Variants in CYP2C19 observed in about 807,000 individuals in gnomAD.
CYP2C19 encodes the protein cytochrome P450 2C19.
Under a neutral mutation model 40.9 loss-of-function variants are expected in CYP2C19, and 59 were observed. The observed-to-expected ratio is 1.44, with a 90% CI of 1.17 to 1.79. The LOEUF is 1.79. Among genes scored for constraint, CYP2C19 ranks in the 40% most tolerant of loss-of-function variants. CYP2C19 has a pLI of 0.00. For synonymous variants in CYP2C19, 253 were observed against 208.7 expected, an observed-to-expected ratio of 1.21 and a Z score of -1.83; for missense variants, 754 against 596.9, an observed-to-expected ratio of 1.26 and a Z score of -2.74.
intron 5 of CYP2C19, among the ~76,000 whole-genome samples, chr10:94,804,421 C>A (rs1178317120): frequency 6.6e-6 from 1 of 152,198 alleles, no homozygotes; most frequent in Non-Finnish European, 1.5e-5. Flanking sequence ...ATCTGCGTGG[C>A]CATGATGCCA....
chr10:94,835,712 C>T (rs1240977419), intron 6 of CYP2C19, among the ~76,000 whole-genome samples: 1 of 152,114 alleles, frequency 6.6e-6, no homozygotes, highest in Non-Finnish European at 1.5e-5. Flanking sequence ...TTAGGAATTT[C>T]CTTTCCCTCC....
At chr10:94,781,735 GT>G in intron 4 of CYP2C19, 85 bp from the exon 5 acceptor site, 7 of 579,160 alleles carry the variant, frequency 1.2e-5, no homozygotes, top group Non-Finnish European at 1.8e-5. Context: ...TATATTTATA[GT>G]TTTAAATTAC....
At chr10:94,841,548 C>T (rs1310400750) in intron 6 of CYP2C19, among the ~76,000 whole-genome samples, 1 of 152,138 alleles carries the variant, frequency 6.6e-6, no homozygotes, top group Admixed American at 6.5e-5. Flanking sequence ...TTTTCATTTG[C>T]TCTTGCTTAT....
At chr10:94,822,364 C>T (rs1251379346) in intron 6 of CYP2C19, among the ~76,000 whole-genome samples, 1 of 152,094 alleles carries the variant, frequency 6.6e-6, no homozygotes, top group African/African-American at 2.4e-5. Context: ...TGAGTCCCTC[C>T]CATGACATGT....
intron 1 of CYP2C19, among the ~76,000 whole-genome samples, chr10:94,769,087 T>A (rs964340527): frequency 6.6e-6 from 1 of 152,198 alleles, no homozygotes; most frequent in African/African-American, 2.4e-5. Context: ...CATTCCTTGC[T>A]GAGGGCCCTG....
chr10:94,821,656 G>T (rs1011481282), intron 6 of CYP2C19, among the ~76,000 whole-genome samples: 3 of 152,010 alleles, frequency 2.0e-5, no homozygotes, highest in African/African-American at 4.8e-5. Flanking sequence ...AAAGACTTTC[G>T]GTTATGCTGC....
At chr10:94,801,743 G>T (rs1464343243) in intron 5 of CYP2C19, among the ~76,000 whole-genome samples, 1 of 152,108 alleles carries the variant, frequency 6.6e-6, no homozygotes, top group Non-Finnish European at 1.5e-5. Flanking sequence ...TTTTAGGTCT[G>T]TAAGAACTTG....
At chr10:94,774,823 G>A (rs1446431865) in intron 1 of CYP2C19, 4 of 531,298 alleles carry the variant, frequency 7.5e-6, no homozygotes, top group African/African-American at 1.9e-5. Flanking sequence ...ATGTTGGTGT[G>A]AGGGTTAATT....
chr10:94,813,909 TG>T (rs1306773518), intron 5 of CYP2C19, among the ~76,000 whole-genome samples: 8 of 151,022 alleles, frequency 5.3e-5, no homozygotes, highest in Admixed American at 2.0e-4. Context: ...AGGGCCCTGG[TG>T]GTGTAGGCTC....
At chr10:94,827,873 T>C (rs1234398997) in intron 6 of CYP2C19, among the ~76,000 whole-genome samples, 1 of 152,178 alleles carries the variant, frequency 6.6e-6, no homozygotes, top group East Asian at 1.9e-4. Context: ...GTCTTTGTTC[T>C]TGTTGGTTTC....
intron 3 of CYP2C19, 192 bp downstream of exon 3, chr10:94,775,731 G>T: frequency 8.4e-6 from 7 of 836,026 alleles, no homozygotes; most frequent in Non-Finnish European, 1.1e-5. Context: ...AGGCATGATT[G>T]TGCATACAGT....
At chr10:94,771,889 C>T (rs1848338493) in intron 1 of CYP2C19, among the ~76,000 whole-genome samples, 1 of 152,118 alleles carries the variant, frequency 6.6e-6, no homozygotes, top group South Asian at 2.1e-4. Context: ...AGAAGGAGGA[C>T]TGAGGAAGGT....
chr10:94,835,707 A>G (rs770247181), intron 6 of CYP2C19, among the ~76,000 whole-genome samples: 18 of 152,044 alleles, frequency 1.2e-4, no homozygotes, highest in South Asian at 2.1e-4. Context: ...GGAAGTTAGG[A>G]ATTTCCTTTC....
chr10:94,783,618 T>G (rs550961257), intron 5 of CYP2C19, among the ~76,000 whole-genome samples: 52 of 152,184 alleles, frequency 3.4e-4, no homozygotes, highest in African/African-American at 8.9e-4. Context: ...GGGTTTTTTT[T>G]GGGGGGCTCT....
chr10:94,843,174 G>A (rs750974630), intron 7 of CYP2C19, 150 bp downstream of exon 7: 126 of 944,086 alleles, frequency 1.3e-4, no homozygotes, highest in Non-Finnish European at 2.0e-4. Context: ...TTCCAGTTTG[G>A]GACTATAAAG....
chr10:94,801,458 CTGTT>C (rs1390610225), intron 5 of CYP2C19, among the ~76,000 whole-genome samples: 5 of 152,262 alleles, frequency 3.3e-5, no homozygotes, highest in South Asian at 2.1e-4. Context: ...GTTTGAGAGA[CTGTT>C]TGTTATGACT....
intron 6 of CYP2C19, among the ~76,000 whole-genome samples, chr10:94,836,226 C>G (rs1849401347): frequency 6.6e-6 from 1 of 152,216 alleles, no homozygotes; most frequent in Non-Finnish European, 1.5e-5. Flanking sequence ...AGTAAGATCT[C>G]TTCCTTGTAT....
chr10:94,830,739 A>G (rs973268314), intron 6 of CYP2C19, among the ~76,000 whole-genome samples: 2 of 152,024 alleles, frequency 1.3e-5, no homozygotes, highest in African/African-American at 4.8e-5. Context: ...GTACATACAG[A>G]TTTATCTTTT....
chr10:94,852,942 G>C lies in CYP2C19; in HGVS notation c.*28G>C. The C allele has an allele frequency of 6.2e-7, 1 of 1,612,286 alleles. No homozygotes were observed. The highest frequency in any genetic ancestry group is 2.2e-5 in the East Asian group (1 of 44,858). On this transcript the variant is annotated 3_prime_UTR_variant, in exon 9 of 9. Coordinates refer to ENST00000371321, the MANE Select transcript of CYP2C19 (RefSeq NM_000769.4). ...AAGCACAGATGGTCTGGCTGCTCCT[G>C]TGCTGTCCCTGCAGCTCTCTTTCCT...
Sources: allele counts gnomAD v4.1 joint callset (sites outside exome capture counted in the v4.1 genomes callset), GRCh38; gene constraint gnomAD v4.1.1; transcripts MANE v1.5; gene names NCBI Gene and HGNC (gene_info 2026-07-23, HGNC 2026-07-21).